Variants in AUTS2 observed in about 807,000 individuals in gnomAD.
AUTS2 encodes the protein autism susceptibility gene 2 protein.
A neutral mutation model predicts 112.4 loss-of-function variants in AUTS2; 17 were observed. That is an observed-to-expected ratio of 0.15 (90% confidence interval 0.10 to 0.23). The LOEUF (loss-of-function observed/expected upper bound fraction) is 0.23. Among genes scored for constraint, AUTS2 ranks in the 10% least tolerant of loss-of-function variants. AUTS2 has a pLI of 1.00. For synonymous variants in AUTS2, 751 were observed against 702.7 expected (o/e 1.07, Z -1.09); for missense variants, 1,510 against 1,701.6 (o/e 0.89, Z 1.98).
At chr7:69,667,031 T>G (rs1192699672) in intron 1 of AUTS2, among the ~76,000 whole-genome samples, 1 of 152,200 alleles carries the variant, frequency 6.6e-6, no homozygotes, top group East Asian at 1.9e-4. Context: ...TGTTGGAGGC[T>G]GAGAAATCCA....
intron 1 of AUTS2, among the ~76,000 whole-genome samples, chr7:69,882,119 C>CAG (rs1476140588): frequency 7.2e-6 from 1 of 139,462 alleles, no homozygotes; most frequent in Non-Finnish European, 1.5e-5. Context: ...CACTGCACTC[C>CAG]AGCCTGGGCA....
chr7:69,899,446 A>G lies in AUTS2; in HGVS notation c.470A>G (p.Asn157Ser), dbSNP rs1179841530. ...HYSSDRENDR[N>S]LCQHLGKRKK... The stretch of plus-strand genomic sequence containing the variant: ...AGCTCAGATCGAGAAAATGACCGCA[A>G]TCTCTGCCAGCACCTTGGGAAGAGA... Residue 157 changes from asparagine (N) to serine (S), a missense_variant, in exon 2 of 19, where the codon AAT becomes AGT. By Grantham distance (46) the Asn-to-Ser change is conservative. Coordinates refer to ENST00000342771, the MANE Select transcript of AUTS2 (RefSeq NM_015570.4). The G allele has an allele frequency of 1.2e-6, 2 of 1,613,990 alleles. No individual in the cohort carries two copies. The highest frequency in any genetic ancestry group is 3.3e-5 in the Admixed American group (2 of 60,014).
intron 2 of AUTS2, among the ~76,000 whole-genome samples, chr7:70,022,383 C>G (rs905434254): frequency 6.7e-6 from 1 of 150,302 alleles, no homozygotes. Context: ...TGCTGTGGTG[C>G]GATCTTGCCT....
intron 4 of AUTS2, among the ~76,000 whole-genome samples, chr7:70,257,506 A>G (rs959285215): frequency 6.6e-6 from 1 of 152,026 alleles, no homozygotes; most frequent in Non-Finnish European, 1.5e-5. Flanking sequence ...TAAGTAGAGA[A>G]GAGATTTCGG....
chr7:69,666,925 C>T (rs564195959), intron 1 of AUTS2, among the ~76,000 whole-genome samples: 1 of 152,144 alleles, frequency 6.6e-6, no homozygotes, highest in African/African-American at 2.4e-5. Context: ...AAACAAAATA[C>T]AGTACATGTC....
At chr7:70,054,020 A>C (rs1001683094) in intron 2 of AUTS2, among the ~76,000 whole-genome samples, 1 of 152,034 alleles carries the variant, frequency 6.6e-6, no homozygotes, top group Admixed American at 6.5e-5. Flanking sequence ...CAAAAGAAAA[A>C]CCTTTTTCCA....
chr7:69,934,191 T>G (rs1177877654), intron 2 of AUTS2, among the ~76,000 whole-genome samples: 1 of 152,132 alleles, frequency 6.6e-6, no homozygotes, highest in East Asian at 1.9e-4. Context: ...CACTCTATGT[T>G]GAAAGGAACT....
intron 6 of AUTS2, among the ~76,000 whole-genome samples, chr7:70,729,617 G>A (rs1269971774): frequency 1.3e-5 from 2 of 152,154 alleles, no homozygotes; most frequent in Non-Finnish European, 2.9e-5. Context: ...TCAGTCAGGC[G>A]TTGTTGAAAT....
In AUTS2 at chr7:70,298,009, CTTTTTTTGGT is replaced by C. The variant is rs561316424; in HGVS notation, c.661-137733_661-137724del. ...TATGCACCTGAAAAACCCAAAGCCT[CTTTTTTTGGT>C]TTTTTTTGGGTTTTTTTTGTTTTGT... On this transcript the variant is annotated intron_variant, in intron 4 of 18. Transcript: ENST00000342771. Among the ~76,000 whole-genome samples the C allele has an allele frequency of 2.6e-5, 4 of 151,842 alleles. No homozygotes were observed. The South Asian group carries it at 6.3e-4, about 24-fold the overall frequency.
chr7:70,544,462 G>A (rs1411428427), intron 5 of AUTS2, among the ~76,000 whole-genome samples: 1 of 152,134 alleles, frequency 6.6e-6, no homozygotes, highest in Non-Finnish European at 1.5e-5. Flanking sequence ...ACACAGGACA[G>A]TACAGAGCTC....
At chr7:70,391,779 C>G (rs977376989) in intron 4 of AUTS2, among the ~76,000 whole-genome samples, 4 of 152,218 alleles carry the variant, frequency 2.6e-5, no homozygotes, top group Non-Finnish European at 5.9e-5. Context: ...TCACAGCAAA[C>G]TTGCATTCTC....
intron 5 of AUTS2, among the ~76,000 whole-genome samples, chr7:70,657,575 T>C (rs932197752): frequency 2.0e-5 from 3 of 152,190 alleles, no homozygotes. Flanking sequence ...CAAAGCTAGA[T>C]GTGAGTTGCT....
chr7:69,960,474 A>G (rs1797385434), intron 2 of AUTS2, among the ~76,000 whole-genome samples: 1 of 152,164 alleles, frequency 6.6e-6, no homozygotes, highest in Non-Finnish European at 1.5e-5. Flanking sequence ...ATCATTCTGA[A>G]TTCATGCTGC....
At chr7:70,581,414 C>T (rs545048412) in intron 5 of AUTS2, among the ~76,000 whole-genome samples, 15 of 152,154 alleles carry the variant, frequency 9.9e-5, no homozygotes, top group South Asian at 2.1e-4. Flanking sequence ...ATAAATTAGC[C>T]GGGTGCGATG....
chr7:69,805,019 A>T (rs1463566153), intron 1 of AUTS2, among the ~76,000 whole-genome samples: 3 of 152,188 alleles, frequency 2.0e-5, no homozygotes, highest in African/African-American at 4.8e-5. Context: ...TTTAACTTTT[A>T]TATGAGAGAG....
At chr7:70,113,576 A>G (rs1317279087) in intron 2 of AUTS2, among the ~76,000 whole-genome samples, 2 of 152,230 alleles carry the variant, frequency 1.3e-5, no homozygotes, top group African/African-American at 4.8e-5. Context: ...TCCTACAGAA[A>G]AACTCAGCAG....
chr7:70,095,479 G>A (rs1290398956), intron 2 of AUTS2, among the ~76,000 whole-genome samples: 1 of 152,140 alleles, frequency 6.6e-6, no homozygotes, highest in Non-Finnish European at 1.5e-5. Context: ...TTCAGGAGTG[G>A]TAATGAATGG....
intron 1 of AUTS2, among the ~76,000 whole-genome samples, chr7:69,804,269 A>C: frequency 6.6e-6 from 1 of 152,200 alleles, no homozygotes; most frequent in East Asian, 1.9e-4. Flanking sequence ...GGTCACGTAC[A>C]CATCTGTAGT....
At chr7:70,135,937 C>G (rs957923721) in intron 4 of AUTS2, among the ~76,000 whole-genome samples, 2 of 152,192 alleles carry the variant, frequency 1.3e-5, no homozygotes, top group African/African-American at 2.4e-5. Context: ...AAGCCTCCCC[C>G]TTTGCTTTCT....
Sources: allele counts gnomAD v4.1 joint callset (sites outside exome capture counted in the v4.1 genomes callset), GRCh38; gene constraint gnomAD v4.1.1; transcripts MANE v1.5; gene names NCBI Gene and HGNC (gene_info 2026-07-23, HGNC 2026-07-21).